Variants in FOCAD observed in about 807,000 individuals in gnomAD.
FOCAD encodes focadhesin.
Under a neutral mutation model 225.6 loss-of-function variants are expected in FOCAD, and 198 were observed. The observed-to-expected ratio is 0.88, with a 90% CI of 0.78 to 0.99. The LOEUF (loss-of-function observed/expected upper bound fraction) is 0.99. FOCAD is among the 50% of genes least tolerant of loss of function. The probability of loss-of-function intolerance (pLI) is 0.00; values close to 1 mark genes in which losing one functional copy is unlikely to be tolerated. For missense variants in FOCAD, 2,713 were observed against 2,123.6 expected (o/e 1.28, Z -5.46); for synonymous variants, 897 against 755.0 (o/e 1.19, Z -3.08).
rs759683558 is a variant in FOCAD, at chr9:20,926,442, T to C, written c.3078+25T>C. ...TGTAAGTGCAAAAAATAAAAAATGA[T>C]CAGAAAACTCAAGAATTGACTCTTA... On this transcript the variant is annotated intron_variant, in intron 26 of 43. Coordinates refer to ENST00000338382, the MANE Select transcript of FOCAD (RefSeq NM_001375567.1). 6 of 1,398,632 alleles carry C rather than the reference T, an allele frequency of 4.3e-6. No homozygotes were observed. In the South Asian group the frequency reaches 5.8e-5, roughly 13 times the overall value. 86.6% of individuals were successfully genotyped at this position (1,398,632 alleles called of 1,614,324 possible). A position where few individuals can be genotyped will look rare whatever the true frequency, so the allele number is the denominator to read the frequency against.
intron 21 of FOCAD, among the ~76,000 whole-genome samples, chr9:20,902,916 G>T (rs1832675953): frequency 6.6e-6 from 1 of 151,940 alleles, no homozygotes; most frequent in South Asian, 2.1e-4. Context: ...GGTGAGAGGT[G>T]AAAGTTTGAG....
At chr9:20,982,258 T>G (rs904776726) in intron 38 of FOCAD, 99 bp from the exon 39 acceptor site, 1 of 755,124 alleles carries the variant, frequency 1.3e-6, no homozygotes, top group Non-Finnish European at 2.1e-6. Flanking sequence ...TCTCATCAGC[T>G]GCTGTTCATG....
intron 4 of FOCAD, among the ~76,000 whole-genome samples, chr9:20,726,596 A>G (rs1826218864): frequency 6.6e-6 from 1 of 152,216 alleles, no homozygotes; most frequent in South Asian, 2.1e-4. Flanking sequence ...GAAATTTAGC[A>G]TAGGATATTA....
At chr9:20,769,499 C>T (rs890472930) in intron 7 of FOCAD, among the ~76,000 whole-genome samples, 2 of 152,176 alleles carry the variant, frequency 1.3e-5, no homozygotes, top group Non-Finnish European at 2.9e-5. Flanking sequence ...ATACATTAGC[C>T]TGTTGAGAAG....
chr9:20,792,200 C>T (rs1402093332), intron 11 of FOCAD, among the ~76,000 whole-genome samples: 5 of 152,122 alleles, frequency 3.3e-5, no homozygotes, highest in Admixed American at 3.3e-4. Flanking sequence ...ATGTTTCTAT[C>T]CATAAGGTTT....
At chr9:20,806,099 C>G (rs1391687716) in intron 11 of FOCAD, among the ~76,000 whole-genome samples, 2 of 152,092 alleles carry the variant, frequency 1.3e-5, no homozygotes, top group Admixed American at 1.3e-4. Context: ...ACCACTCTTG[C>G]CATGTCATTT....
chr9:20,739,740 T>C (rs1204642615), intron 4 of FOCAD, among the ~76,000 whole-genome samples: 1 of 152,186 alleles, frequency 6.6e-6, no homozygotes, highest in Non-Finnish European at 1.5e-5. Context: ...TATCCTCTTA[T>C]CTCTTACAAA....
At chr9:20,775,426 C>T (rs990417029) in intron 8 of FOCAD, among the ~76,000 whole-genome samples, 1 of 152,142 alleles carries the variant, frequency 6.6e-6, no homozygotes. Context: ...CAGTTCCAAC[C>T]AACTTTCTTC....
intron 11 of FOCAD, among the ~76,000 whole-genome samples, chr9:20,801,095 G>T (rs1821773684): frequency 6.6e-6 from 1 of 152,088 alleles, no homozygotes; most frequent in Non-Finnish European, 1.5e-5. Flanking sequence ...AGGTGCGTTG[G>T]AGTTTGCCGG....
chr9:20,761,507 G>C (rs1330459856), intron 6 of FOCAD, among the ~76,000 whole-genome samples: 1 of 151,926 alleles, frequency 6.6e-6, no homozygotes, highest in African/African-American at 2.4e-5. Context: ...TGCAACCTCT[G>C]CCTCACGGGT....
At position 20,862,456 on chromosome 9, in the gene FOCAD, C is replaced by T. The variant is rs955320292; in HGVS notation, c.1921-122C>T. The T allele has an allele frequency of 6.2e-6, 7 of 1,123,236 alleles. No homozygotes were observed. The African/African-American group carries it at 1.1e-4, about 18-fold the overall frequency. 69.6% of individuals were successfully genotyped at this position (1,123,236 alleles called of 1,614,324 possible). On this transcript the variant is annotated intron_variant, in intron 15 of 43. Coordinates refer to ENST00000338382, the MANE Select transcript of FOCAD (RefSeq NM_001375567.1). ...GGGGTGGTACCTTATTAAGTCCTAT[C>T]TTCTAGGCATAGTCTTATTTGTTTC...
At chr9:20,674,074 T>A (rs1587193194) in intron 2 of FOCAD, among the ~76,000 whole-genome samples, 2 of 152,208 alleles carry the variant, frequency 1.3e-5, no homozygotes, top group East Asian at 3.8e-4. Flanking sequence ...GCAGTCAGTT[T>A]GTCACAAGAG....
chr9:20,923,493 G>A (rs984201977), intron 24 of FOCAD, among the ~76,000 whole-genome samples, 167 bp from the exon 25 acceptor site: 2 of 152,162 alleles, frequency 1.3e-5, no homozygotes, highest in Admixed American at 6.5e-5. Flanking sequence ...GAGTCAGAAG[G>A]AAGGAAAGAA....
At chr9:20,769,582 C>G (rs1017137216) in intron 7 of FOCAD, among the ~76,000 whole-genome samples, 2 of 152,168 alleles carry the variant, frequency 1.3e-5, no homozygotes, top group African/African-American at 4.8e-5. Context: ...GTTAAGGCTG[C>G]CTGAGCAAGT....
intron 1 of FOCAD, among the ~76,000 whole-genome samples, chr9:20,688,358 G>T (rs1344519411): frequency 6.6e-6 from 1 of 152,198 alleles, no homozygotes; most frequent in African/African-American, 2.4e-5. Flanking sequence ...TGTAGGGGAT[G>T]AAGGAGTGAT....
At chr9:20,791,219 GCACA>G (rs563531943) in intron 11 of FOCAD, among the ~76,000 whole-genome samples, 3 of 106,718 alleles carry the variant, frequency 2.8e-5, no homozygotes, top group East Asian at 2.5e-4. Context: ...ATATATGCAT[GCACA>G]CACACACACA....
At chr9:20,820,740 T>C (rs1824233860) in intron 13 of FOCAD, among the ~76,000 whole-genome samples, 1 of 152,148 alleles carries the variant, frequency 6.6e-6, no homozygotes, top group Non-Finnish European at 1.5e-5. Flanking sequence ...TTTCTTCTTG[T>C]TTTATGAAAT....
chr9:20,981,962 C>G lies in FOCAD; in HGVS notation c.4638+276C>G, dbSNP rs564942411. On this transcript the variant is annotated intron_variant, in intron 38 of 43. Coordinates refer to ENST00000338382, the MANE Select transcript of FOCAD (RefSeq NM_001375567.1). ...TTTACCAAATGCCTCTTGTAGAAGA[C>G]GAGAAGGCTCAGAAGTCCTTACGCT... Among the ~76,000 whole-genome samples the G allele has an allele frequency of 7.3e-4, 111 of 152,272 alleles. 1 individual carries two copies. The highest frequency in any genetic ancestry group is 2.5e-3 in the African/African-American group (104 of 41,544).
intron 15 of FOCAD, among the ~76,000 whole-genome samples, chr9:20,828,866 T>A (rs2131478967): frequency 6.6e-6 from 1 of 152,220 alleles, no homozygotes; most frequent in South Asian, 2.1e-4. Flanking sequence ...CAAATCCCAC[T>A]TATAATTGAG....
Sources: allele counts gnomAD v4.1 joint callset (sites outside exome capture counted in the v4.1 genomes callset), GRCh38; gene constraint gnomAD v4.1.1; transcripts MANE v1.5; gene names NCBI Gene and HGNC (gene_info 2026-07-23, HGNC 2026-07-21).